Variants in TMEM163 observed in about 807,000 individuals in gnomAD.
TMEM163 encodes transmembrane protein 163.
In TMEM163, 17 loss-of-function variants were observed where a neutral mutation model predicts 29.3. That is an observed-to-expected ratio of 0.58 (90% CI 0.40 to 0.87). The LOEUF (loss-of-function observed/expected upper bound fraction) is 0.87. Among genes scored for constraint, TMEM163 ranks in the 40% least tolerant of loss-of-function variants. The pLI, the probability that TMEM163 is intolerant of heterozygous loss-of-function variation, is 0.00. For missense variants in TMEM163, 303 were observed against 381.5 expected, an observed-to-expected ratio of 0.79 and a Z score of 1.71; for synonymous variants, 157 against 160.6, an observed-to-expected ratio of 0.98 and a Z score of 0.17.
chr2:134,498,642 C>T (rs1574180266), intron 5 of TMEM163, among the ~76,000 whole-genome samples: 1 of 152,312 alleles, frequency 6.6e-6, no homozygotes, highest in Middle Eastern at 3.4e-3. Context: ...AGCATGTGGG[C>T]TTTCAAGAGA....
intron 5 of TMEM163, among the ~76,000 whole-genome samples, chr2:134,498,395 T>C (rs2106485472): frequency 6.8e-6 from 1 of 146,136 alleles, no homozygotes; most frequent in East Asian, 2.1e-4. Context: ...TCTTGCACTG[T>C]CGCCCAGGCT....
chr2:134,627,984 TA>T (rs1682889715), intron 2 of TMEM163, among the ~76,000 whole-genome samples: 1 of 152,224 alleles, frequency 6.6e-6, no homozygotes, highest in African/African-American at 2.4e-5. Flanking sequence ...ACTAAATTAA[TA>T]AGTTGTCATT....
chr2:134,506,226 T>C (rs1306537828), intron 4 of TMEM163, among the ~76,000 whole-genome samples: 1 of 152,242 alleles, frequency 6.6e-6, no homozygotes, highest in Admixed American at 6.5e-5. Context: ...ATTTGCATCT[T>C]TTAAATGTGT....
intron 2 of TMEM163, among the ~76,000 whole-genome samples, chr2:134,622,048 A>G (rs1324320399): frequency 6.6e-6 from 1 of 152,220 alleles, no homozygotes; most frequent in Admixed American, 6.5e-5. Flanking sequence ...TGCTAATTGA[A>G]AAAAGCAAAA....
intron 2 of TMEM163, among the ~76,000 whole-genome samples, chr2:134,675,367 G>C (rs766005157): frequency 6.6e-6 from 1 of 152,090 alleles, no homozygotes; most frequent in Non-Finnish European, 1.5e-5. Context: ...TTTATATCTG[G>C]GTTTAAACTT....
At chr2:134,701,779 G>A (rs573180683) in intron 2 of TMEM163, among the ~76,000 whole-genome samples, 38 of 152,000 alleles carry the variant, frequency 2.5e-4, no homozygotes, top group Non-Finnish European at 3.2e-4. Context: ...TTAGCCAAGC[G>A]TGGTGGCACA....
intron 5 of TMEM163, among the ~76,000 whole-genome samples, chr2:134,479,149 ATT>A (rs1325609337): frequency 1.3e-5 from 2 of 152,198 alleles, no homozygotes; most frequent in Admixed American, 6.5e-5. Flanking sequence ...TGAAAGATCC[ATT>A]TCTGTTGTTT....
At chr2:134,481,383 G>C (rs116332642) in intron 5 of TMEM163, among the ~76,000 whole-genome samples, 9,375 of 151,264 alleles carry the variant, frequency 0.062, 459 homozygotes, top group South Asian at 0.15. Context: ...ATCATGGGGG[G>C]GGGGGGAGCT....
intron 2 of TMEM163, among the ~76,000 whole-genome samples, chr2:134,686,826 C>T (rs1046039120): frequency 3.3e-5 from 5 of 152,188 alleles, no homozygotes; most frequent in Middle Eastern, 3.4e-3. Flanking sequence ...AGACAAAGGG[C>T]GATTTATTAC....
Position 134,475,366 on chromosome 2 carries a change from T to C in TMEM163, c.556-9141A>G, listed in dbSNP as rs138407364. ...ATTTCACACTATATATAAATTTTAA[T>C]TTTAGATGGACTGCAGATCTCAAAG... On this transcript the variant is annotated intron_variant, in intron 5 of 7. Coordinates refer to ENST00000281924, the MANE Select transcript of TMEM163 (RefSeq NM_030923.5). 2.1e-3 allele frequency among the ~76,000 whole-genome samples: 320 copies of C among 152,278 alleles called. 2 individuals are homozygous for C. The highest frequency in any genetic ancestry group is 7.0e-3 in the African/African-American group (293 of 41,570).
At chr2:134,575,545 TC>T (rs1681533124) in intron 2 of TMEM163, among the ~76,000 whole-genome samples, 1 of 152,182 alleles carries the variant, frequency 6.6e-6, no homozygotes, top group South Asian at 2.1e-4. Flanking sequence ...TCATTGTTTT[TC>T]CTAGCTCCAT....
chr2:134,675,073 T>C (rs1014490647), intron 2 of TMEM163, among the ~76,000 whole-genome samples: 1 of 152,248 alleles, frequency 6.6e-6, no homozygotes, highest in African/African-American at 2.4e-5. Context: ...CTGTTTCTTA[T>C]TCAGGTTGAC....
chr2:134,552,098 A>C lies in TMEM163; in HGVS notation c.323-7T>G. ...TACCTCATAACGGAGACAGCTAAAA[A>C]GAAAGAAAATATTATTCAGAATATT... On this transcript the variant is annotated splice_region_variant and splice_polypyrimidine_tract_variant and intron_variant, in intron 2 of 7. Transcript: ENST00000281924. The C allele has an allele frequency of 6.2e-7, 1 of 1,610,852 alleles. No individual in the cohort carries two copies. Among genetic ancestry groups the C allele is most frequent in the Non-Finnish European group, 8.5e-7 (1 of 1,177,712 alleles).
intron 2 of TMEM163, among the ~76,000 whole-genome samples, chr2:134,553,741 C>T (rs977034558): frequency 6.6e-6 from 1 of 152,200 alleles, no homozygotes; most frequent in African/African-American, 2.4e-5. Context: ...AGGGCAGAGC[C>T]AGCTGTGCAT....
At chr2:134,485,096 A>G (rs113546062) in intron 5 of TMEM163, among the ~76,000 whole-genome samples, 4,925 of 152,306 alleles carry the variant, frequency 0.032, 283 homozygotes, top group African/African-American at 0.11. Flanking sequence ...CTTGACTTAC[A>G]ATGGGGTTAT....
At chr2:134,534,876 G>A (rs1441214468) in intron 4 of TMEM163, among the ~76,000 whole-genome samples, 1 of 152,186 alleles carries the variant, frequency 6.6e-6, no homozygotes, top group East Asian at 1.9e-4. Context: ...GTGAATCCTT[G>A]AGGAAGAAGA....
intron 5 of TMEM163, among the ~76,000 whole-genome samples, chr2:134,495,830 T>C (rs1270445871): frequency 6.6e-6 from 1 of 152,236 alleles, no homozygotes; most frequent in Non-Finnish European, 1.5e-5. Context: ...TCCCCTCTGC[T>C]TTAATCCATA....
intron 4 of TMEM163, among the ~76,000 whole-genome samples, chr2:134,520,142 G>A (rs1357769374): frequency 6.6e-6 from 1 of 152,078 alleles, no homozygotes; most frequent in Non-Finnish European, 1.5e-5. Context: ...CTTATAATAA[G>A]ACAACCTGTC....
chr2:134,708,972 G>A (rs77992321), intron 2 of TMEM163, among the ~76,000 whole-genome samples: 3,404 of 152,260 alleles, frequency 0.022, 152 homozygotes, highest in East Asian at 0.19. Flanking sequence ...CTTAGGAAAG[G>A]TTTTCCCCTG....
Sources: allele counts gnomAD v4.1 joint callset (sites outside exome capture counted in the v4.1 genomes callset), GRCh38; gene constraint gnomAD v4.1.1; transcripts MANE v1.5; gene names NCBI Gene and HGNC (gene_info 2026-07-23, HGNC 2026-07-21).